LHFPL3: variants seen among roughly 807,000 people sequenced by gnomAD.
LHFPL3 encodes the protein LHFPL tetraspan subfamily member 3.
LHFPL3 carries 5 observed loss-of-function variants against 19.3 expected under a neutral mutation model. The observed-to-expected ratio is 0.26, with a 90% CI of 0.14 to 0.54. The LOEUF is 0.54. LHFPL3 is among the 20% of genes least tolerant of loss of function. The pLI, the probability that LHFPL3 is intolerant of heterozygous loss-of-function variation, is 0.94. For missense variants in LHFPL3, 249 were observed against 307.4 expected (o/e 0.81, Z 1.42); for synonymous variants, 133 against 126.2 (o/e 1.05, Z -0.36).
intron 2 of LHFPL3, among the ~76,000 whole-genome samples, chr7:104,798,883 G>A (rs893801674): frequency 3.3e-5 from 5 of 151,898 alleles, no homozygotes; most frequent in South Asian, 2.1e-4. Flanking sequence ...TGTGTATATC[G>A]TAAGGTTTTA....
chr7:104,890,407 C>G lies in LHFPL3; in HGVS notation c.683-15780C>G, dbSNP rs148228030. Among the ~76,000 whole-genome samples, 605 of 152,298 alleles carry G rather than the reference C, an allele frequency of 4.0e-3. 9 individuals are homozygous for G. Among genetic ancestry groups the G allele is most frequent in the African/African-American group, 0.014 (570 of 41,566 alleles). ...ATCTTTGCTCCATCCCCTTCCTCCC[C>G]CGCATTACAACGCCCCGTGGAGCTC... is the stretch of plus-strand genomic sequence containing the variant. On this transcript the variant is annotated intron_variant, in intron 2 of 2. Transcript: ENST00000424859.
chr7:104,698,903 A>C (rs1793050216), intron 1 of LHFPL3, among the ~76,000 whole-genome samples: 1 of 152,270 alleles, frequency 6.6e-6, no homozygotes, highest in Non-Finnish European at 1.5e-5. Flanking sequence ...TATTTCTCCA[A>C]AGACATAAAA....
At chr7:104,603,158 CCTTCCTTTCTTT>C (rs1444091241) in intron 1 of LHFPL3, among the ~76,000 whole-genome samples, 2 of 76,290 alleles carry the variant, frequency 2.6e-5, no homozygotes, top group Admixed American at 1.8e-4. Context: ...TTCCTTCCTT[CCTTCCTTTCTTT>C]CTTTCTTTCT....
At chr7:104,661,866 ATTGT>A (rs1464743945) in intron 1 of LHFPL3, among the ~76,000 whole-genome samples, 1 of 152,178 alleles carries the variant, frequency 6.6e-6, no homozygotes, top group East Asian at 1.9e-4. Context: ...GCATATCCAA[ATTGT>A]TAGCATGACT....
intron 1 of LHFPL3, chr7:104,470,147 G>A: frequency 2.2e-6 from 1 of 448,424 alleles, no homozygotes; most frequent in South Asian, 1.6e-5. Context: ...GTGTTGTTGG[G>A]GATTCTTTTC....
intron 1 of LHFPL3, among the ~76,000 whole-genome samples, chr7:104,448,530 G>A (rs942461941): frequency 6.6e-6 from 1 of 152,118 alleles, no homozygotes; most frequent in Non-Finnish European, 1.5e-5. Context: ...GTGTTATTTT[G>A]TTGATAGCCT....
intron 1 of LHFPL3, among the ~76,000 whole-genome samples, chr7:104,461,727 A>AT (rs1792667509): frequency 6.6e-6 from 1 of 151,902 alleles, no homozygotes; most frequent in Non-Finnish European, 1.5e-5. Context: ...GTTCTTGGTT[A>AT]TTTGGGCTCT....
At chr7:104,656,416 G>A (rs928482633) in intron 1 of LHFPL3, among the ~76,000 whole-genome samples, 2 of 152,096 alleles carry the variant, frequency 1.3e-5, no homozygotes, top group Non-Finnish European at 2.9e-5. Flanking sequence ...TTGGGGCTAG[G>A]GGCTGCTTTC....
At chr7:104,489,752 C>T (rs1419946306) in intron 1 of LHFPL3, among the ~76,000 whole-genome samples, 1 of 152,016 alleles carries the variant, frequency 6.6e-6, no homozygotes, top group Non-Finnish European at 1.5e-5. Context: ...GGATGATATC[C>T]ATAACATGAC....
intron 2 of LHFPL3, among the ~76,000 whole-genome samples, chr7:104,899,758 G>A (rs1383240082): frequency 6.6e-6 from 1 of 152,078 alleles, no homozygotes; most frequent in East Asian, 1.9e-4. Flanking sequence ...TTTAGATGGA[G>A]TCTTACTCTG....
intron 2 of LHFPL3, among the ~76,000 whole-genome samples, chr7:104,821,319 G>A (rs551028782): frequency 2.0e-5 from 3 of 152,274 alleles, no homozygotes; most frequent in South Asian, 2.1e-4. Context: ...CATCCTCCTC[G>A]TGGGTGGCAG....
chr7:104,723,722 CAAAAAAAAAAAAAAA>C (rs1167618176), intron 1 of LHFPL3, among the ~76,000 whole-genome samples: 12 of 46,944 alleles, frequency 2.6e-4, no homozygotes, highest in African/African-American at 6.8e-4. Context: ...ACTATGTCTC[CAAAAAAAAAAAAAAA>C]AAAAAAAAAA....
At chr7:104,559,870 A>ATT in intron 1 of LHFPL3, among the ~76,000 whole-genome samples, 1 of 143,026 alleles carries the variant, frequency 7.0e-6, no homozygotes, top group Non-Finnish European at 1.5e-5. Flanking sequence ...TACCTAATTT[A>ATT]TTGAGAGTTT....
intron 1 of LHFPL3, among the ~76,000 whole-genome samples, chr7:104,452,198 T>C (rs13223335): frequency 0.18 from 27,683 of 152,048 alleles, 2,533 homozygotes; most frequent in African/African-American, 0.21. Context: ...ATTTGTGTGA[T>C]TTTTACATGA....
intron 1 of LHFPL3, among the ~76,000 whole-genome samples, chr7:104,611,563 G>A (rs538440351): frequency 6.6e-6 from 1 of 152,310 alleles, no homozygotes; most frequent in South Asian, 2.1e-4. Flanking sequence ...GCTCAACTCA[G>A]AAAGTTGGCA....
chr7:104,758,388 A>C (rs1215174106), intron 2 of LHFPL3, among the ~76,000 whole-genome samples: 1 of 152,144 alleles, frequency 6.6e-6, no homozygotes, highest in African/African-American at 2.4e-5. Context: ...AATAAAAATA[A>C]AGCTAGCAAT....
At chr7:104,890,418 C>T (rs372161588) in intron 2 of LHFPL3, among the ~76,000 whole-genome samples, 5 of 152,210 alleles carry the variant, frequency 3.3e-5, no homozygotes, top group Admixed American at 6.5e-5. Context: ...CGCATTACAA[C>T]GCCCCGTGGA....
At chr7:104,522,798 G>T (rs1290231337) in intron 1 of LHFPL3, among the ~76,000 whole-genome samples, 2 of 152,128 alleles carry the variant, frequency 1.3e-5, no homozygotes, top group Admixed American at 6.6e-5. Context: ...TTTGATCAGG[G>T]CCTTGAAACA....
At chr7:104,422,086 T>G (rs1027886125) in intron 1 of LHFPL3, among the ~76,000 whole-genome samples, 4 of 152,104 alleles carry the variant, frequency 2.6e-5, no homozygotes, top group Non-Finnish European at 5.9e-5. Flanking sequence ...TCAGGCCGGG[T>G]GCAGTGGCTC....
Sources: allele counts gnomAD v4.1 joint callset (sites outside exome capture counted in the v4.1 genomes callset), GRCh38; gene constraint gnomAD v4.1.1; transcripts MANE v1.5; gene names NCBI Gene and HGNC (gene_info 2026-07-23, HGNC 2026-07-21).